Variants in LEMD1 observed in about 807,000 individuals in gnomAD.
LEMD1 encodes the protein LEM domain containing 1.
Under a neutral mutation model 17.4 loss-of-function variants are expected in LEMD1, and 18 were observed. The ratio of observed to expected loss-of-function variants is 1.04; its 90% CI spans 0.72 to 1.54. The LOEUF is 1.54. Ranked by LOEUF, LEMD1 falls within the 40% of genes most tolerant of loss-of-function variation. The pLI is 0.00. For synonymous variants in LEMD1, 88 were observed against 77.8 expected, an observed-to-expected ratio of 1.13 and a Z score of -0.69; for missense variants, 195 against 210.4, an observed-to-expected ratio of 0.93 and a Z score of 0.45.
chr1:205,420,204 G>C (rs1214129492), intron 2 of LEMD1, among the ~76,000 whole-genome samples: 2 of 152,154 alleles, frequency 1.3e-5, no homozygotes, highest in African/African-American at 4.8e-5. Context: ...TGTAATCCCA[G>C]CTGCTTGGGA....
At chr1:205,404,849 C>A (rs1354985754) in intron 4 of LEMD1, among the ~76,000 whole-genome samples, 3 of 151,964 alleles carry the variant, frequency 2.0e-5, no homozygotes, top group Admixed American at 6.6e-5. Context: ...CTGGTTGTGC[C>A]TTTCCATGTT....
chr1:205,429,863 T>G (rs1425402614), intron 1 of LEMD1, among the ~76,000 whole-genome samples: 1 of 152,070 alleles, frequency 6.6e-6, no homozygotes, highest in Non-Finnish European at 1.5e-5. Context: ...CTGCTCTCAC[T>G]CCTCATCCCC....
chr1:205,442,274 T>C (rs978672334), intron 1 of LEMD1, among the ~76,000 whole-genome samples: 6 of 152,078 alleles, frequency 3.9e-5, no homozygotes, highest in African/African-American at 1.4e-4. Context: ...CGGAAGGGGT[T>C]TGGAATAGGG....
chr1:205,420,037 G>T (rs1051424076), intron 2 of LEMD1, among the ~76,000 whole-genome samples: 1 of 152,188 alleles, frequency 6.6e-6, no homozygotes, highest in Non-Finnish European at 1.5e-5. Context: ...CAATCCATGC[G>T]CTGGGTGTGG....
chr1:205,426,348 G>A (rs1255307186), upstream of LEMD1, among the ~76,000 whole-genome samples: 3 of 152,182 alleles, frequency 2.0e-5, no homozygotes, highest in South Asian at 4.1e-4. Flanking sequence ...TTCTTCAAAC[G>A]GATTACATTC....
rs201240408 is a variant in LEMD1 at position 205,419,267 on chromosome 1, T to C, written c.168A>G (p.Arg56=). 6 of 1,614,232 alleles carry C rather than the reference T, an allele frequency of 3.7e-6. No homozygotes were observed. Among genetic ancestry groups the C allele is most frequent in the East Asian group, 2.2e-5 (1 of 44,884 alleles). ...PCAPPVMNGP[R]ELDGAQDSDD... is the part of the protein sequence containing the mutation. ...CACTGTCCTGCGCTCCATCCAGCTC[T>C]CTGGGTCCATTCATCACAGGTGGTG... Residue 56 remains arginine (R), a synonymous_variant, in exon 3 of 6, where the codon AGA becomes AGG. Coordinates refer to ENST00000367153, the MANE Select transcript of LEMD1 (RefSeq NM_001199050.2).
chr1:205,432,056 A>G (rs1202776952), intron 1 of LEMD1, among the ~76,000 whole-genome samples: 1 of 152,122 alleles, frequency 6.6e-6, no homozygotes, highest in Non-Finnish European at 1.5e-5. Flanking sequence ...GTCCCTTCCC[A>G]ATCTTCTGGT....
At chr1:205,388,572 CTGAGT>C (rs1476990833) in intron 4 of LEMD1, among the ~76,000 whole-genome samples, 1 of 152,144 alleles carries the variant, frequency 6.6e-6, no homozygotes, top group Non-Finnish European at 1.5e-5. Context: ...GCTTAGGGAG[CTGAGT>C]TATTTGCCCT....
chr1:205,382,410 C>T (rs1315124037), intron 5 of LEMD1, among the ~76,000 whole-genome samples: 1 of 151,986 alleles, frequency 6.6e-6, no homozygotes, highest in African/African-American at 2.4e-5. Context: ...GAATGAGACC[C>T]TGTCTCCAAA....
At chr1:205,415,114 G>T (rs565851313) in intron 4 of LEMD1, among the ~76,000 whole-genome samples, 3 of 152,262 alleles carry the variant, frequency 2.0e-5, no homozygotes, top group Admixed American at 2.0e-4. Context: ...GCAGGTTTAG[G>T]GTGGGCTGAA....
chr1:205,409,468 T>A (rs913094185), intron 4 of LEMD1, among the ~76,000 whole-genome samples: 15 of 152,218 alleles, frequency 9.9e-5, no homozygotes, highest in African/African-American at 2.7e-4. Context: ...TAACTCAATC[T>A]TCACAACACT....
rs182615407 is a variant in LEMD1, at chr1:205,391,565, A to C, written c.271-7201T>G. Among the ~76,000 whole-genome samples the C allele has an allele frequency of 2.6e-3, 394 of 152,296 alleles. 1 individual carries two copies. Among genetic ancestry groups the C allele is most frequent in the African/African-American group, 9.1e-3 (379 of 41,570 alleles). On this transcript the variant is annotated intron_variant, in intron 4 of 5. Coordinates refer to ENST00000367153, the MANE Select transcript of LEMD1 (RefSeq NM_001199050.2). ...TCTCCGCCCCTACTAGCCAAGATGC[A>C]TGAGAAGCCTGGACTTTCACCTCCA...
chr1:205,411,065 G>A (rs1431817245), intron 4 of LEMD1, among the ~76,000 whole-genome samples: 2 of 132,018 alleles, frequency 1.5e-5, no homozygotes, highest in East Asian at 2.3e-4. Flanking sequence ...AGGGAGAGAG[G>A]GAAAGAAAGA....
chr1:205,431,900 AG>A (rs1415262077), intron 1 of LEMD1, among the ~76,000 whole-genome samples: 2 of 152,266 alleles, frequency 1.3e-5, no homozygotes, highest in South Asian at 2.1e-4. Flanking sequence ...TATTTTTAAT[AG>A]AGACGGGGTT....
rs41314029 is a variant in LEMD1 at position 205,381,399 on chromosome 1, C to G, written c.*259G>C. Reference sequence around the variant, plus strand: ...ACAGTTTCCTTGTTTGACGCCTGCTCAAATATGGAAGCACCTTTAATGAGA... The same window carrying G: ...ACAGTTTCCTTGTTTGACGCCTGCTGAAATATGGAAGCACCTTTAATGAGA... On this transcript the variant is annotated 3_prime_UTR_variant, in exon 6 of 6. Coordinates refer to ENST00000367153, the MANE Select transcript of LEMD1 (RefSeq NM_001199050.2). 2,318 of 494,852 alleles carry G rather than the reference C, an allele frequency of 4.7e-3. 25 individuals are homozygous for G. Among genetic ancestry groups the G allele is most frequent in the Non-Finnish European group, 4.2e-3 (1,162 of 275,158 alleles). The allele number at this position is 494,852 out of a possible 1,614,324, so 30.7% of individuals were successfully genotyped here.
At chr1:205,429,682 G>C (rs1666099982) in intron 1 of LEMD1, among the ~76,000 whole-genome samples, 1 of 151,942 alleles carries the variant, frequency 6.6e-6, no homozygotes, top group African/African-American at 2.4e-5. Context: ...TCTGTTTCTG[G>C]AAATGACTCC....
At chr1:205,396,352 G>A (rs1462816494) in intron 4 of LEMD1, among the ~76,000 whole-genome samples, 1 of 152,068 alleles carries the variant, frequency 6.6e-6, no homozygotes, top group Non-Finnish European at 1.5e-5. Flanking sequence ...GCAAAAAATG[G>A]TGCAACCATG....
chr1:205,420,694 A>G lies in LEMD1; in HGVS notation c.-38-120T>C. ...CCAACCTCCTAGGTGCACAGGCAAT[A>G]AAGCAAAAATCAACACTTTCTAGTT... On this transcript the variant is annotated intron_variant, in intron 1 of 5. Transcript: ENST00000367153. 3 of 609,752 alleles carry G rather than the reference A, an allele frequency of 4.9e-6. No homozygotes were observed. The South Asian group carries it at 5.8e-5, about 12-fold the overall frequency. The allele number at this position is 609,752 out of a possible 1,614,324, so 37.8% of individuals were successfully genotyped here.
chr1:205,413,151 A>C (rs1472512717), intron 4 of LEMD1, among the ~76,000 whole-genome samples: 2 of 152,176 alleles, frequency 1.3e-5, no homozygotes, highest in Admixed American at 6.5e-5. Flanking sequence ...TAAATACCAG[A>C]CCATATTTGC....
Sources: gnomAD v4.1 joint callset for allele counts (sites outside exome capture counted in the v4.1 genomes callset) on GRCh38, gnomAD v4.1.1 for gene constraint, MANE v1.5 for transcripts, NCBI Gene and HGNC (gene_info 2026-07-23, HGNC 2026-07-21) for gene names.